Variants in RTN3 observed in about 807,000 individuals in gnomAD.
The protein encoded by RTN3 is reticulon-3.
RTN3 carries 49 observed loss-of-function variants against 77.8 expected under a neutral mutation model. That is an observed-to-expected ratio of 0.63 (90% confidence interval 0.50 to 0.80). RTN3 has a LOEUF of 0.80. Ranked by LOEUF, RTN3 falls within the 30% of genes least tolerant of loss-of-function variation. The pLI is 0.00. For synonymous variants in RTN3, 464 were observed against 446.9 expected (o/e 1.04, Z -0.48); for missense variants, 1,236 against 1,211.9 (o/e 1.02, Z -0.29).
intron 3 of RTN3, among the ~76,000 whole-genome samples, chr11:63,722,032 A>T (rs1000435797): frequency 6.6e-6 from 1 of 152,120 alleles, no homozygotes; most frequent in Admixed American, 6.6e-5. Context: ...ATTTCAAATG[A>T]TCACTTTTCT....
chr11:63,724,699 G>A (rs749445245), intron 3 of RTN3, among the ~76,000 whole-genome samples: 9 of 151,788 alleles, frequency 5.9e-5, no homozygotes, highest in Admixed American at 2.0e-4. Flanking sequence ...CACTATATTG[G>A]CCAGGCTGGT....
In RTN3 at chr11:63,700,882, G is replaced by A. The variant is rs533590375; in HGVS notation, c.143-3969G>A. 1.3e-4 allele frequency among the ~76,000 whole-genome samples: 20 copies of A among 151,926 alleles called. No individual in the cohort carries two copies. In the East Asian group the frequency reaches 3.9e-3, roughly 29 times the overall value. On this transcript the variant is annotated intron_variant, in intron 1 of 8. Coordinates refer to ENST00000377819, the MANE Select transcript of RTN3 (RefSeq NM_001265589.2). ...TGAGGCGTGCGGATCACGAGGTCAG[G>A]ACATCGAGACCATCCTGGCCAACAT...
At chr11:63,697,296 T>G (rs923294873) in intron 1 of RTN3, among the ~76,000 whole-genome samples, 3 of 151,758 alleles carry the variant, frequency 2.0e-5, no homozygotes, top group Non-Finnish European at 4.4e-5. Context: ...GGTCCACTTA[T>G]GCTTTTTTTT....
At chr11:63,684,129 G>GTTTTTTTTTTTTTTTGT (rs1941229217) in intron 1 of RTN3, among the ~76,000 whole-genome samples, 1 of 85,258 alleles carries the variant, frequency 1.2e-5, no homozygotes. Context: ...TTTTCTTTTG[G>GTTTTTTTTTTTTTTTGT]TTTTTTTTTT....
At chr11:63,688,047 T>C (rs1395698977) in intron 1 of RTN3, among the ~76,000 whole-genome samples, 1 of 152,182 alleles carries the variant, frequency 6.6e-6, no homozygotes, top group African/African-American at 2.4e-5. Context: ...TGAATCAATA[T>C]GCTTAAATAC....
chr11:63,732,453 G>A (rs2012762342), intron 3 of RTN3, among the ~76,000 whole-genome samples: 1 of 151,588 alleles, frequency 6.6e-6, no homozygotes, highest in South Asian at 2.1e-4. Flanking sequence ...GAGGTTATAG[G>A]TGTGAGCCAC....
chr11:63,751,100 C>T lies in RTN3; in HGVS notation c.2738+902C>T, dbSNP rs150036221. On this transcript the variant is annotated intron_variant, in intron 4 of 8. Transcript: ENST00000377819. ...GTCAGGCTGGTCTTGAACTCCTGAC[C>T]TCGTGATCCACCCGCCTCGGCCTCC... Among the ~76,000 whole-genome samples, 179 of 152,116 alleles carry T rather than the reference C, an allele frequency of 1.2e-3. 1 individual carries two copies. Among genetic ancestry groups the T allele is most frequent in the African/African-American group, 4.1e-3 (171 of 41,500 alleles).
intron 4 of RTN3, 81 bp downstream of exon 4, chr11:63,750,279 G>A: frequency 7.6e-6 from 9 of 1,189,174 alleles, no homozygotes; most frequent in Non-Finnish European, 1.1e-5. Context: ...ACTCAGACCT[G>A]ACTAAAAATC....
intron 3 of RTN3, among the ~76,000 whole-genome samples, chr11:63,738,552 G>A (rs2013277342): frequency 6.6e-6 from 1 of 151,578 alleles, no homozygotes; most frequent in African/African-American, 2.4e-5. Flanking sequence ...TGAGGCAGGA[G>A]GATCACCTGA....
At chr11:63,697,770 C>T (rs1942040077) in intron 1 of RTN3, among the ~76,000 whole-genome samples, 1 of 152,146 alleles carries the variant, frequency 6.6e-6, no homozygotes, top group African/African-American at 2.4e-5. Flanking sequence ...GCCACCGCGC[C>T]CGGCCCACCT....
chr11:63,681,786 G>T lies in RTN3; in HGVS notation c.142+8G>T. ...GCAGCTCCTCCTGTGCGGGTAAGGC[G>T]CGCGGGGAGCCCCCGCCCTGGGAAA... On this transcript the variant is annotated splice_region_variant and intron_variant, in intron 1 of 8. Transcript: ENST00000377819. 1 of 1,559,840 alleles carries T rather than the reference G, an allele frequency of 6.4e-7. No individual in the cohort carries two copies. The highest frequency in any genetic ancestry group is 1.1e-5 in the South Asian group (1 of 87,354).
chr11:63,684,301 C>T (rs981480044), intron 1 of RTN3, among the ~76,000 whole-genome samples: 1 of 151,964 alleles, frequency 6.6e-6, no homozygotes, highest in Non-Finnish European at 1.5e-5. Context: ...GTGCCCACCA[C>T]CATGCCCGGC....
chr11:63,753,241 T>G (rs1015219739), intron 6 of RTN3, 103 bp downstream of exon 6: 2 of 1,140,010 alleles, frequency 1.8e-6, no homozygotes, highest in Non-Finnish European at 2.6e-6. Flanking sequence ...CATTGCCCAG[T>G]CTTGACCCAT....
Position 63,718,793 on chromosome 11 carries a change from T to A in RTN3, c.291T>A (p.Leu97=). ...CTTCTGAAATACATAACACTGGCCT[T>A]ACAATACTACATGGAGAAAAAAGCC... ...LSSSEIHNTG[L]TILHGEKSHV... The change falls in exon 3 of 9, where the codon CTT becomes CTA. Residue 97 remains leucine (L), a synonymous_variant. Transcript: ENST00000377819. 3 of 1,613,754 alleles carry A rather than the reference T, an allele frequency of 1.9e-6. No homozygotes were observed. The highest frequency in any genetic ancestry group is 2.5e-6 in the Non-Finnish European group (3 of 1,179,926).
At chr11:63,707,979 G>T (rs1417316665) in intron 2 of RTN3, among the ~76,000 whole-genome samples, 1 of 152,230 alleles carries the variant, frequency 6.6e-6, no homozygotes, top group African/African-American at 2.4e-5. Context: ...TGGCAGTCTA[G>T]AGGTTAGCCT....
rs2014578741 is a variant in RTN3, at chr11:63,759,834, G to T, written c.*1633G>T. ...TAGCACCTAAGGAGCTTGAATCTTGGTTCCTGTAAAATTTCAAATTGATGT... is the reference window on the plus strand; with the variant it reads ...TAGCACCTAAGGAGCTTGAATCTTGTTTCCTGTAAAATTTCAAATTGATGT... On this transcript the variant is annotated 3_prime_UTR_variant, in exon 9 of 9. Transcript: ENST00000377819. The T allele has an allele frequency of 6.6e-6, 1 of 150,430 alleles. No individual in the cohort carries two copies. Among genetic ancestry groups the T allele is most frequent in the Non-Finnish European group, 1.5e-5 (1 of 67,726 alleles). The allele number at this position is 150,430 out of a possible 1,614,324, so 9.3% of individuals were successfully genotyped here.
At chr11:63,734,657 A>G (rs2012940959) in intron 3 of RTN3, among the ~76,000 whole-genome samples, 1 of 151,732 alleles carries the variant, frequency 6.6e-6, no homozygotes, top group South Asian at 2.1e-4. Flanking sequence ...GCTTAAACCC[A>G]GGAGGCGGAG....
rs780710253 is a variant in RTN3, at chr11:63,720,387, G to C, written c.1885G>C (p.Val629Leu). 5 of 1,614,082 alleles carry C rather than the reference G, an allele frequency of 3.1e-6. No individual in the cohort carries two copies. The East Asian group carries it at 6.7e-5, about 22-fold the overall frequency. Residue 629 changes from valine (V) to leucine (L), a missense_variant, in exon 3 of 9, where the codon GTG becomes CTG. This residue lies in a region of RTN3 where 1,056 missense variants were observed against 990.4 expected (regional missense o/e 1.07). Coordinates refer to ENST00000377819, the MANE Select transcript of RTN3 (RefSeq NM_001265589.2). ...TAATGAGACAGAATTCTCATTAAAT[G>C]TGACAACATCTGCCTATTTGGAGTC... The part of the protein sequence containing the change: ...VFNETEFSLN[V>L]TTSAYLESLH...
intron 3 of RTN3, among the ~76,000 whole-genome samples, chr11:63,745,749 T>A (rs2013756903): frequency 6.6e-6 from 1 of 152,202 alleles, no homozygotes; most frequent in Non-Finnish European, 1.5e-5. Flanking sequence ...TATTTCTATT[T>A]CTTATGAGTT....
Sources: allele counts gnomAD v4.1 joint callset (sites outside exome capture counted in the v4.1 genomes callset), GRCh38; gene constraint gnomAD v4.1.1; regional missense constraint gnomAD v4.1.1; transcripts MANE v1.5; gene names NCBI Gene and HGNC (gene_info 2026-07-23, HGNC 2026-07-21).